MGAT4C: variants seen among roughly 807,000 people sequenced by gnomAD.
MGAT4C encodes MGAT4 family member C.
Under a neutral mutation model 40.1 loss-of-function variants are expected in MGAT4C, and 19 were observed. The observed-to-expected ratio is 0.47, with a 90% CI of 0.33 to 0.70. The LOEUF is 0.70. Among genes scored for constraint, MGAT4C ranks in the 30% least tolerant of loss-of-function variants. MGAT4C has a pLI of 0.02. For synonymous variants in MGAT4C, 181 were observed against 187.1 expected, an observed-to-expected ratio of 0.97 and a Z score of 0.27; for missense variants, 491 against 563.2, an observed-to-expected ratio of 0.87 and a Z score of 1.30.
At chr12:85,999,237 G>A (rs1005342188) in intron 2 of MGAT4C, among the ~76,000 whole-genome samples, 2 of 152,038 alleles carry the variant, frequency 1.3e-5, no homozygotes, top group African/African-American at 4.8e-5. Context: ...ATGACACATG[G>A]CAATTGTGGG....
At chr12:86,049,086 ATGG>A (rs1044719377) in intron 2 of MGAT4C, among the ~76,000 whole-genome samples, 7 of 152,104 alleles carry the variant, frequency 4.6e-5, no homozygotes, top group Non-Finnish European at 8.8e-5. Flanking sequence ...CTGATAAGAA[ATGG>A]TGGGAAAAAG....
At chr12:86,804,228 G>C (rs1952297262) in intron 1 of MGAT4C, among the ~76,000 whole-genome samples, 1 of 141,062 alleles carries the variant, frequency 7.1e-6, no homozygotes, top group African/African-American at 2.6e-5. Context: ...AGATCACATG[G>C]ACACAGGAAG....
chr12:86,550,704 C>G (rs1592976919), intron 2 of MGAT4C, among the ~76,000 whole-genome samples: 1 of 152,340 alleles, frequency 6.6e-6, no homozygotes, highest in South Asian at 2.1e-4. Context: ...ACGATCAACA[C>G]TCCCAGCTGG....
chr12:86,710,562 C>T (rs550662128), intron 2 of MGAT4C, among the ~76,000 whole-genome samples: 4 of 152,080 alleles, frequency 2.6e-5, no homozygotes, highest in African/African-American at 7.2e-5. Context: ...TGTGGTGAAA[C>T]GGGAACAATT....
chr12:85,998,286 G>T, intron 2 of MGAT4C, among the ~76,000 whole-genome samples: 1 of 151,920 alleles, frequency 6.6e-6, no homozygotes, highest in African/African-American at 2.4e-5. Flanking sequence ...TTTCCTCCTG[G>T]GCCTCCAGAC....
intron 2 of MGAT4C, among the ~76,000 whole-genome samples, chr12:86,514,067 AACACAC>A (rs71078908): frequency 0.013 from 1,695 of 133,996 alleles, 17 homozygotes; most frequent in Non-Finnish European, 0.017. Flanking sequence ...GCCATGCACC[AACACAC>A]ACACACACAC....
chr12:86,495,363 T>C (rs1016107847), intron 2 of MGAT4C: 1 of 152,126 alleles, frequency 6.6e-6, no homozygotes, highest in Non-Finnish European at 1.5e-5. Context: ...ATATTTGCTT[T>C]TATATAAATA....
intron 1 of MGAT4C, among the ~76,000 whole-genome samples, chr12:86,827,604 T>C (rs1952832693): frequency 6.6e-6 from 1 of 151,360 alleles, no homozygotes; most frequent in South Asian, 2.1e-4. Context: ...GAGAAATGTA[T>C]ACTTAAGAGT....
intron 2 of MGAT4C, among the ~76,000 whole-genome samples, chr12:86,584,721 T>C (rs1384218561): frequency 1.3e-5 from 2 of 151,304 alleles, no homozygotes; most frequent in Admixed American, 1.3e-4. Context: ...TCACAAAGTT[T>C]TGAGTGAAGT....
chr12:86,776,433 T>C (rs1056172812), intron 1 of MGAT4C, among the ~76,000 whole-genome samples: 1 of 152,006 alleles, frequency 6.6e-6, no homozygotes, highest in African/African-American at 2.4e-5. Context: ...TAAGTTGATA[T>C]GAAGAATAAA....
chr12:86,007,477 A>T (rs1888008015), intron 2 of MGAT4C, among the ~76,000 whole-genome samples: 1 of 152,120 alleles, frequency 6.6e-6, no homozygotes, highest in Admixed American at 6.5e-5. Context: ...ATTTACCAAA[A>T]GGTCTAATGG....
intron 1 of MGAT4C, among the ~76,000 whole-genome samples, chr12:86,132,678 G>A (rs527454144): frequency 6.6e-6 from 1 of 151,594 alleles, no homozygotes; most frequent in South Asian, 2.1e-4. Context: ...TGTAGTCCCA[G>A]CTACTCGGGA....
chr12:86,235,072 C>T lies in MGAT4C; in HGVS notation c.-57+21167G>A, dbSNP rs111881994. The stretch of plus-strand genomic sequence containing the variant: ...CTTTTACTTATAAAACAAACAAAAC[C>T]TCTCTTATTCCATTGCTGGGTTAGT... On this transcript the variant is annotated intron_variant, in intron 1 of 4. Coordinates refer to ENST00000611864, the MANE Select transcript of MGAT4C (RefSeq NM_001351288.2). 3.3e-3 allele frequency among the ~76,000 whole-genome samples: 496 copies of T among 151,982 alleles called. 2 individuals carry two copies. The highest frequency in any genetic ancestry group is 0.012 in the African/African-American group (483 of 41,458).
intron 1 of MGAT4C, among the ~76,000 whole-genome samples, chr12:86,775,954 G>A (rs1029346231): frequency 6.6e-6 from 1 of 151,708 alleles, no homozygotes; most frequent in Admixed American, 6.6e-5. Flanking sequence ...AACAATTCGA[G>A]AATAATACAT....
intron 1 of MGAT4C, among the ~76,000 whole-genome samples, chr12:86,163,536 A>G (rs1346463859): frequency 2.0e-5 from 3 of 152,100 alleles, no homozygotes; most frequent in Non-Finnish European, 4.4e-5. Flanking sequence ...CCATTTCACA[A>G]ACTTTTATAT....
chr12:86,655,346 G>A (rs1309767997), intron 2 of MGAT4C, among the ~76,000 whole-genome samples: 3 of 152,032 alleles, frequency 2.0e-5, no homozygotes, highest in African/African-American at 7.2e-5. Flanking sequence ...TGAAAACTTT[G>A]TTGAATAATG....
At chr12:86,026,280 C>T (rs1890230880) in intron 2 of MGAT4C, among the ~76,000 whole-genome samples, 1 of 151,744 alleles carries the variant, frequency 6.6e-6, no homozygotes, top group Non-Finnish European at 1.5e-5. Context: ...ATTACCATTG[C>T]TGCTATAGTT....
chr12:86,426,390 T>G (rs1005939643), intron 3 of MGAT4C, among the ~76,000 whole-genome samples: 1 of 152,352 alleles, frequency 6.6e-6, no homozygotes, highest in South Asian at 2.1e-4. Flanking sequence ...AGTGATCATT[T>G]ATAAGTCACA....
chr12:86,073,703 C>T (rs1319976711), intron 1 of MGAT4C, among the ~76,000 whole-genome samples: 2 of 152,096 alleles, frequency 1.3e-5, no homozygotes, highest in African/African-American at 2.4e-5. Context: ...GCCAATTTCA[C>T]CCATTTGGAA....
Sources: allele counts gnomAD v4.1 joint callset (sites outside exome capture counted in the v4.1 genomes callset), GRCh38; gene constraint gnomAD v4.1.1; transcripts MANE v1.5; gene names NCBI Gene and HGNC (gene_info 2026-07-23, HGNC 2026-07-21).